The following SLC25A13 variants were observed in gnomAD, a reference collection of about 807,000 sequenced individuals.
SLC25A13 encodes the protein solute carrier family 25 member 13, also known as electrogenic aspartate/glutamate antiporter SLC25A13, mitochondrial.
SLC25A13 carries 70 observed loss-of-function variants against 85.5 expected under a neutral mutation model. The ratio of observed to expected loss-of-function variants is 0.82; its 90% CI spans 0.68 to 1.00. SLC25A13 has a LOEUF of 1.00. SLC25A13 is among the 50% of genes least tolerant of loss of function. The pLI is 0.00. For synonymous variants in SLC25A13, 259 were observed against 288.7 expected, an observed-to-expected ratio of 0.90 and a Z score of 1.04; for missense variants, 765 against 819.8, an observed-to-expected ratio of 0.93 and a Z score of 0.82.
At chr7:96,189,777 T>C in intron 7 of SLC25A13, 103 bp from the exon 8 acceptor site, 1 of 948,460 alleles carries the variant, frequency 1.1e-6, no homozygotes, top group South Asian at 1.3e-5. Flanking sequence ...CAAAACTTTA[T>C]TATTATCATC....
In SLC25A13 at chr7:96,288,590, C is replaced by T. The variant is rs540489544; in HGVS notation, c.69+8308G>A. Among the ~76,000 whole-genome samples the T allele has an allele frequency of 7.9e-5, 12 of 152,286 alleles. No homozygotes were observed. The South Asian group carries it at 1.7e-3, about 21-fold the overall frequency. ...CCACCCTAATACTGCGCTTTTCCAACGGTCTTAGCAAACGGCACACCAGGA... is the reference window on the plus strand; with the variant it reads ...CCACCCTAATACTGCGCTTTTCCAATGGTCTTAGCAAACGGCACACCAGGA... On this transcript the variant is annotated intron_variant, in intron 2 of 17. Transcript: ENST00000265631.
intron 15 of SLC25A13, among the ~76,000 whole-genome samples, chr7:96,130,179 G>A (rs1284461190): frequency 6.6e-6 from 1 of 152,070 alleles, no homozygotes; most frequent in Non-Finnish European, 1.5e-5. Context: ...AATCGTTTCT[G>A]GGTACCTGTC....
At chr7:96,228,762 G>A (rs566459398) in intron 4 of SLC25A13, among the ~76,000 whole-genome samples, 1 of 152,326 alleles carries the variant, frequency 6.6e-6, no homozygotes, top group Non-Finnish European at 1.5e-5. Context: ...GCCAGCGTGA[G>A]TTCTGGGTGG....
intron 15 of SLC25A13, among the ~76,000 whole-genome samples, chr7:96,126,651 G>A (rs1395233877): frequency 6.6e-6 from 1 of 152,186 alleles, no homozygotes; most frequent in African/African-American, 2.4e-5. Flanking sequence ...AGTTTCTCCT[G>A]CTGTGTTTTG....
chr7:96,180,304 G>C (rs552973400), intron 11 of SLC25A13, among the ~76,000 whole-genome samples: 3 of 151,954 alleles, frequency 2.0e-5, no homozygotes, highest in Non-Finnish European at 4.4e-5. Context: ...AAAAATTTTC[G>C]TCTAAGAAGT....
At chr7:96,199,851 G>A (rs1373121846) in intron 5 of SLC25A13, among the ~76,000 whole-genome samples, 4 of 151,972 alleles carry the variant, frequency 2.6e-5, no homozygotes, top group South Asian at 2.1e-4. Context: ...TCTAACATTC[G>A]TGCTTCTAAT....
chr7:96,309,768 A>AT (rs1314690041), intron 1 of SLC25A13: 1 of 152,202 alleles, frequency 6.6e-6, no homozygotes, highest in Non-Finnish European at 1.5e-5. Context: ...CACCCAAGCC[A>AT]TTTTTAAATG....
Position 96,273,357 on chromosome 7 carries a change from T to C in SLC25A13, c.212+3839A>G, listed in dbSNP as rs192940908. On this transcript the variant is annotated intron_variant, in intron 3 of 17. Coordinates refer to ENST00000265631, the MANE Select transcript of SLC25A13 (RefSeq NM_014251.3). ...GAAACAAGAATAGGCAAAGAGCCAT[T>C]TGAGGTTGGGAAGGGAGGTGAACAC... is the stretch of plus-strand genomic sequence containing the variant. Among the ~76,000 whole-genome samples the C allele has an allele frequency of 2.6e-3, 394 of 152,212 alleles. 1 individual carries two copies. The highest frequency in any genetic ancestry group is 4.9e-3 in the Non-Finnish European group (333 of 68,002).
intron 5 of SLC25A13, among the ~76,000 whole-genome samples, chr7:96,202,998 C>T (rs1795317115): frequency 6.6e-6 from 1 of 152,196 alleles, no homozygotes; most frequent in Non-Finnish European, 1.5e-5. Flanking sequence ...TACCATCCAA[C>T]TGAGACCACA....
chr7:96,224,702 C>T (rs867611268), intron 4 of SLC25A13, among the ~76,000 whole-genome samples: 1 of 152,168 alleles, frequency 6.6e-6, no homozygotes, highest in Non-Finnish European at 1.5e-5. Context: ...TTACTTTCCA[C>T]CATAGTGAAA....
At chr7:96,173,003 C>CT (rs541996195) in intron 11 of SLC25A13, among the ~76,000 whole-genome samples, 157 of 152,362 alleles carry the variant, frequency 1.0e-3, no homozygotes, top group African/African-American at 3.7e-3. Flanking sequence ...CATGATCCGC[C>CT]TGCCTTGGCC....
intron 13 of SLC25A13, among the ~76,000 whole-genome samples, chr7:96,167,362 C>T (rs142479244): frequency 0.011 from 1,711 of 151,570 alleles, 30 homozygotes; most frequent in African/African-American, 0.039. Flanking sequence ...TCATTTTTTC[C>T]CCTCCAAATT....
intron 4 of SLC25A13, among the ~76,000 whole-genome samples, chr7:96,218,397 T>C (rs1350553247): frequency 6.6e-6 from 1 of 152,192 alleles, no homozygotes; most frequent in African/African-American, 2.4e-5. Context: ...ACACTAGAGA[T>C]ATTTAATTGG....
chr7:96,192,915 T>A, intron 6 of SLC25A13, 122 bp downstream of exon 6: 1 of 1,088,280 alleles, frequency 9.2e-7, no homozygotes, highest in South Asian at 1.4e-5. Flanking sequence ...GTAATGTATG[T>A]GATCACATTA....
intron 13 of SLC25A13, among the ~76,000 whole-genome samples, chr7:96,149,444 A>G (rs1792933931): frequency 6.6e-6 from 1 of 152,214 alleles, no homozygotes. Flanking sequence ...CCCTGACTCC[A>G]AGCCAACCAA....
intron 1 of SLC25A13, among the ~76,000 whole-genome samples, chr7:96,318,974 T>C (rs1800227849): frequency 1.3e-5 from 2 of 152,082 alleles, no homozygotes; most frequent in South Asian, 4.1e-4. Context: ...GCTGGCAACA[T>C]GGAATAGCTA....
Position 96,322,019 on chromosome 7 carries a change from G to A in SLC25A13, c.-63C>T, listed in dbSNP as rs1383141458. ...ACTGGCTGGCTGGCGTTTGGGACCC[G>A]GGCGGCTCACTTCTAGTCCCGGCGG... On this transcript the variant is annotated 5_prime_UTR_variant, in exon 1 of 18. Transcript: ENST00000265631. The A allele has an allele frequency of 3.9e-6, 6 of 1,529,560 alleles. No homozygotes were observed. Among genetic ancestry groups the A allele is most frequent in the Non-Finnish European group, 4.4e-6 (5 of 1,138,556 alleles). 94.7% of individuals were successfully genotyped at this position (1,529,560 alleles called of 1,614,324 possible).
intron 2 of SLC25A13, 149 bp from the exon 3 acceptor site, chr7:96,277,487 A>G (rs1218305716): frequency 2.7e-6 from 2 of 753,054 alleles, no homozygotes; most frequent in South Asian, 2.0e-5. Flanking sequence ...TTATCTCCCA[A>G]CAGTTCAAAG....
At chr7:96,127,738 G>A (rs1269908114) in intron 15 of SLC25A13, among the ~76,000 whole-genome samples, 2 of 152,160 alleles carry the variant, frequency 1.3e-5, no homozygotes, top group Non-Finnish European at 2.9e-5. Context: ...ATAGCCATGA[G>A]ACATTTTTGT....
Sources: gnomAD v4.1 joint callset for allele counts (sites outside exome capture counted in the v4.1 genomes callset) on GRCh38, gnomAD v4.1.1 for gene constraint, MANE v1.5 for transcripts, NCBI Gene and HGNC (gene_info 2026-07-23, HGNC 2026-07-21) for gene names.